Variants in USP28 observed in about 807,000 individuals in gnomAD.
USP28 encodes ubiquitin specific peptidase 28.
In USP28, 113 loss-of-function variants were observed where a neutral mutation model predicts 145.0. The observed-to-expected ratio is 0.78, with a 90% CI of 0.67 to 0.91. The LOEUF (loss-of-function observed/expected upper bound fraction) is 0.91, where lower values mean the gene tolerates loss of function less well. Ranked by LOEUF, USP28 falls within the 40% of genes least tolerant of loss-of-function variation. The pLI, the probability that USP28 is intolerant of heterozygous loss-of-function variation, is 0.00. For missense variants in USP28, 1,201 were observed against 1,289.6 expected, an observed-to-expected ratio of 0.93 and a Z score of 1.05; for synonymous variants, 447 against 450.9, an observed-to-expected ratio of 0.99 and a Z score of 0.11.
At chr11:113,809,365 A>G (rs1361913412) in intron 16 of USP28, 111 bp from the exon 17 acceptor site, 2 of 1,028,930 alleles carry the variant, frequency 1.9e-6, no homozygotes, top group Non-Finnish European at 2.9e-6. Flanking sequence ...CTAAAAATAC[A>G]TGCACATAGA....
At chr11:113,806,402 A>G (rs1939963710) in intron 19 of USP28, 87 bp downstream of exon 20, 2 of 1,158,420 alleles carry the variant, frequency 1.7e-6, no homozygotes, top group East Asian at 5.1e-5. Flanking sequence ...CCCAGCCTTA[A>G]CCCCATTTTT....
chr11:113,805,457 T>C (rs963321072), intron 19 of USP28, among the ~76,000 whole-genome samples: 1 of 152,058 alleles, frequency 6.6e-6, no homozygotes, highest in Non-Finnish European at 1.5e-5. Flanking sequence ...GGTTTCGCCA[T>C]GTTGCCCAGG....
chr11:113,833,347 T>C lies in USP28; in HGVS notation c.759+73A>G, dbSNP rs963494357. The C allele has an allele frequency of 2.2e-5, 34 of 1,552,612 alleles. No individual in the cohort carries two copies. The Admixed American group carries it at 6.0e-4, about 27-fold the overall frequency. On this transcript the variant is annotated intron_variant, in intron 7 of 24. Coordinates refer to ENST00000003302, the Ensembl canonical transcript of USP28. The stretch of plus-strand genomic sequence containing the variant: ...GTCATGTTCACAGCTTGTTACGCAG[T>C]TGAAATGAAGCAGTACCGCATTAAC...
chr11:113,854,900 C>G (rs542518807), intron 1 of USP28, among the ~76,000 whole-genome samples: 26 of 152,292 alleles, frequency 1.7e-4, no homozygotes, highest in African/African-American at 6.3e-4. Flanking sequence ...CCTTAATGGA[C>G]ACTTAAAAGT....
At chr11:113,838,794 C>T (rs570256363) in intron 5 of USP28, among the ~76,000 whole-genome samples, 4 of 152,312 alleles carry the variant, frequency 2.6e-5, no homozygotes, top group African/African-American at 7.2e-5. Flanking sequence ...CATGAGAGTA[C>T]GGGCTTTGTT....
At chr11:113,854,207 T>C (rs1210687128) in intron 2 of USP28, 51 bp downstream of exon 2, 4 of 1,510,380 alleles carry the variant, frequency 2.6e-6, no homozygotes, top group East Asian at 4.5e-5. Context: ...ATAACTATAA[T>C]ATAGACAGCT....
intron 21 of USP28, among the ~76,000 whole-genome samples, chr11:113,804,257 G>A (rs1369767103): frequency 1.3e-5 from 2 of 152,186 alleles, no homozygotes; most frequent in African/African-American, 4.8e-5. Context: ...GTCATACAGA[G>A]CAAGTTCAAG....
At chr11:113,832,373 T>C (rs990085743) in intron 7 of USP28, among the ~76,000 whole-genome samples, 5 of 152,190 alleles carry the variant, frequency 3.3e-5, no homozygotes, top group Admixed American at 3.3e-4. Context: ...GCGTCGCAAG[T>C]GCTGGGATTA....
chr11:113,811,167 ATG>A (rs1940924325), intron 16 of USP28, among the ~76,000 whole-genome samples: 1 of 152,228 alleles, frequency 6.6e-6, no homozygotes, highest in Non-Finnish European at 1.5e-5. Context: ...TTTATTGACT[ATG>A]TGATTACTCA....
At chr11:113,867,305 C>T (rs1240724973) in intron 1 of USP28, among the ~76,000 whole-genome samples, 1 of 151,944 alleles carries the variant, frequency 6.6e-6, no homozygotes, top group Non-Finnish European at 1.5e-5. Flanking sequence ...TTACTCTTGT[C>T]ACTCAGGCTA....
chr11:113,854,162 G>A, intron 2 of USP28, 96 bp downstream of exon 2: 1 of 1,122,128 alleles, frequency 8.9e-7, no homozygotes, highest in Admixed American at 2.2e-5. Context: ...CCCTATATGT[G>A]CTTTAATTTG....
At chr11:113,819,752 T>G (rs1942322969) in intron 12 of USP28, among the ~76,000 whole-genome samples, 3 of 152,204 alleles carry the variant, frequency 2.0e-5, no homozygotes, top group South Asian at 4.1e-4. Context: ...AGAGTTTTGC[T>G]CTTGTTGCCC....
intron 3 of USP28, among the ~76,000 whole-genome samples, chr11:113,846,513 A>G (rs1345187655): frequency 6.6e-6 from 1 of 152,214 alleles, no homozygotes; most frequent in Non-Finnish European, 1.5e-5. Context: ...GGGGCTGGGT[A>G]TGGAGTGCAG....
intron 5 of USP28, among the ~76,000 whole-genome samples, chr11:113,834,943 A>C (rs955851640): frequency 6.6e-6 from 1 of 152,214 alleles, no homozygotes; most frequent in Non-Finnish European, 1.5e-5. Context: ...GTTTAACAAC[A>C]TGTAAAACAA....
chr11:113,847,866 A>AGTGT (rs1459389980), intron 3 of USP28, among the ~76,000 whole-genome samples: 1 of 152,202 alleles, frequency 6.6e-6, no homozygotes, highest in East Asian at 1.9e-4. Context: ...ATGCTGGTTA[A>AGTGT]GGACACCCCT....
intron 1 of USP28, among the ~76,000 whole-genome samples, chr11:113,873,641 A>C (rs1447967250): frequency 1.3e-5 from 2 of 152,212 alleles, no homozygotes; most frequent in African/African-American, 2.4e-5. Context: ...CTAAATCAAT[A>C]TGATAGTCTC....
intron 9 of USP28, among the ~76,000 whole-genome samples, chr11:113,830,355 G>A (rs190593010): frequency 1.2e-4 from 19 of 152,260 alleles, no homozygotes; most frequent in African/African-American, 4.1e-4. Context: ...GATGGGGAAT[G>A]ACTGGCTGTG....
intron 5 of USP28, among the ~76,000 whole-genome samples, chr11:113,839,214 C>A (rs1944920542): frequency 6.6e-6 from 1 of 152,170 alleles, no homozygotes; most frequent in African/African-American, 2.4e-5. Context: ...GACAAAAGGG[C>A]ACTCTGTGAA....
intron 1 of USP28, among the ~76,000 whole-genome samples, chr11:113,867,934 T>C (rs1205399461): frequency 1.3e-5 from 2 of 152,104 alleles, no homozygotes; most frequent in Admixed American, 6.6e-5. Flanking sequence ...CTTCTTAGGG[T>C]TAAAGTGCCT....
Sources: allele counts gnomAD v4.1 joint callset (sites outside exome capture counted in the v4.1 genomes callset), GRCh38; gene constraint gnomAD v4.1.1; transcripts MANE v1.5; gene names NCBI Gene and HGNC (gene_info 2026-07-23, HGNC 2026-07-21).